Variants in SHROOM4 observed in about 807,000 individuals in gnomAD.
SHROOM4 encodes protein Shroom4.
Under a neutral mutation model 80.3 loss-of-function variants are expected in SHROOM4, and 17 were observed. That is an observed-to-expected ratio of 0.21 (90% CI 0.14 to 0.32). SHROOM4 has a LOEUF of 0.32. Ranked by LOEUF, SHROOM4 falls within the 10% of genes least tolerant of loss-of-function variation. SHROOM4 has a pLI of 1.00. For missense variants in SHROOM4, 993 were observed against 1,140.3 expected, an observed-to-expected ratio of 0.87 and a Z score of 1.86; for synonymous variants, 400 against 437.5, an observed-to-expected ratio of 0.91 and a Z score of 1.07.
intron 1 of SHROOM4, among the ~76,000 whole-genome samples, chrX:50,791,883 C>A (rs1226013124): frequency 1.1e-4 from 12 of 110,530 alleles, no homozygotes; most frequent in African/African-American, 3.9e-4. Context: ...GAAGAGACAG[C>A]CCCAAAATAA....
At chrX:50,578,623 A>G in the SHROOM4 span, among the ~76,000 whole-genome samples, 1 of 111,305 alleles carries the variant, frequency 9.0e-6, no homozygotes, top group Non-Finnish European at 1.9e-5. Flanking sequence ...TATTTTTAGT[A>G]GAGACAGGGT....
chrX:50,665,846 G>A (rs1435394047), intron 2 of SHROOM4, among the ~76,000 whole-genome samples: 1 of 111,640 alleles, frequency 9.0e-6, no homozygotes, highest in African/African-American at 3.3e-5. Context: ...AAATCTGAAA[G>A]TAATCATGGT....
intron 1 of SHROOM4, among the ~76,000 whole-genome samples, chrX:50,709,127 A>G (rs1356783219): frequency 9.0e-6 from 1 of 111,190 alleles, no homozygotes; most frequent in African/African-American, 3.3e-5. Context: ...TATTTGCAAC[A>G]TTCCGGGATC....
At chrX:50,628,566 C>T (rs1310995902) in intron 4 of SHROOM4, among the ~76,000 whole-genome samples, 1 of 111,817 alleles carries the variant, frequency 8.9e-6, no homozygotes, top group Non-Finnish European at 1.9e-5. Flanking sequence ...TTCTCCAATG[C>T]TACTACTATT....
chrX:50,797,410 A>G (rs1936038768), intron 1 of SHROOM4, among the ~76,000 whole-genome samples: 1 of 112,019 alleles, frequency 8.9e-6, no homozygotes, highest in African/African-American at 3.2e-5. Flanking sequence ...GCGAAGTGCA[A>G]AAGATTGTTT....
chrX:50,672,582 TA>T (rs1932809094), intron 2 of SHROOM4, among the ~76,000 whole-genome samples: 1 of 111,341 alleles, frequency 9.0e-6, no homozygotes, highest in African/African-American at 3.3e-5. Flanking sequence ...ACTGAAGTAC[TA>T]GAAGGAGAGA....
downstream of SHROOM4, among the ~76,000 whole-genome samples, chrX:50,585,865 T>TG (rs386416993): frequency 3.6e-5 from 4 of 110,583 alleles, no homozygotes; most frequent in Non-Finnish European, 7.6e-5. Flanking sequence ...TGGATTTTTT[T>TG]TTATAAAAGA....
intron 1 of SHROOM4, among the ~76,000 whole-genome samples, chrX:50,756,049 A>C (rs150720526): frequency 5.6e-4 from 63 of 111,759 alleles, no homozygotes; most frequent in African/African-American, 1.9e-3. Context: ...AAATATAATG[A>C]ATTTTAGCAT....
intron 2 of SHROOM4, among the ~76,000 whole-genome samples, chrX:50,680,126 T>C (rs1335437314): frequency 8.9e-6 from 1 of 112,017 alleles, no homozygotes; most frequent in Non-Finnish European, 1.9e-5. Context: ...ATTTGGTTTT[T>C]CTCCTACCTC....
chrX:50,799,664 G>T (rs1387406173), intron 1 of SHROOM4, among the ~76,000 whole-genome samples: 2 of 112,068 alleles, frequency 1.8e-5, no homozygotes, highest in Non-Finnish European at 3.8e-5. Flanking sequence ...ACATGTCAGA[G>T]CTTGCTTAAG....
chrX:50,621,866 T>G (rs1276518405), intron 5 of SHROOM4, among the ~76,000 whole-genome samples: 2 of 111,479 alleles, frequency 1.8e-5, no homozygotes, highest in Non-Finnish European at 3.8e-5. Context: ...ACTCTGCTCA[T>G]GATGTGGTGT....
At chrX:50,717,747 G>A (rs1229962541) in intron 1 of SHROOM4, among the ~76,000 whole-genome samples, 1 of 111,661 alleles carries the variant, frequency 9.0e-6, no homozygotes, top group African/African-American at 3.3e-5. Flanking sequence ...TCACATTAGG[G>A]CAGCAGTTTT....
intron 1 of SHROOM4, among the ~76,000 whole-genome samples, chrX:50,764,701 G>A (rs969977681): frequency 8.9e-6 from 1 of 111,875 alleles, no homozygotes; most frequent in Non-Finnish European, 1.9e-5. Flanking sequence ...CTTCAATGGG[G>A]AGAGAATATG....
At chrX:50,623,165 A>G (rs1930645322) in intron 5 of SHROOM4, among the ~76,000 whole-genome samples, 2 of 111,637 alleles carry the variant, frequency 1.8e-5, no homozygotes, top group African/African-American at 6.5e-5. Flanking sequence ...CTAATTTACT[A>G]TTTTTAAACA....
chrX:50,596,755 G>A lies in SHROOM4; in HGVS notation c.4422C>T (p.Leu1474=), dbSNP rs782507382. The A allele has an allele frequency of 6.6e-6, 8 of 1,210,439 alleles. No individual in the cohort carries two copies. Among genetic ancestry groups the A allele is most frequent in the African/African-American group, 3.5e-5 (2 of 57,320 alleles). ...TGAGACATTTGAGTTGCTCTTCCCC[G>A]AGCTTGATCTTCTCCTCCAGCTCTC... ...EQRELEEKIK[L]GEEQLKCLRE... is the part of the protein sequence containing the mutation. The change falls in exon 9 of 9, where the codon CTC becomes CTT. Residue 1474 remains leucine, a synonymous_variant. Coordinates refer to ENST00000376020, the MANE Select transcript of SHROOM4 (RefSeq NM_020717.5).
At position 50,627,596 on chromosome X, in the gene SHROOM4, C is replaced by G; in HGVS notation, c.2957+18G>C. The G allele has an allele frequency of 8.3e-7, 1 of 1,203,843 alleles. No homozygotes were observed. Among genetic ancestry groups the G allele is most frequent in the South Asian group, 1.8e-5 (1 of 56,744 alleles). On this transcript the variant is annotated intron_variant, in intron 5 of 8. Coordinates refer to ENST00000376020, the MANE Select transcript of SHROOM4 (RefSeq NM_020717.5). ...CCAGAGGCACCAACCCACCCCAACT[C>G]CCTGAGCGCTCACTTACCTCCCTGA...
intron 5 of SHROOM4, among the ~76,000 whole-genome samples, chrX:50,614,911 CATAGA>C (rs782586421): frequency 4.5e-4 from 51 of 112,121 alleles, no homozygotes; most frequent in Admixed American, 4.2e-3. Context: ...CTATGTGTAA[CATAGA>C]ATAATCACTA....
intron 1 of SHROOM4, among the ~76,000 whole-genome samples, chrX:50,788,223 A>T (rs1302950253): frequency 2.7e-5 from 3 of 111,855 alleles, no homozygotes; most frequent in Non-Finnish European, 5.6e-5. Context: ...TTTGTATGTG[A>T]TCGAAGTTAG....
At chrX:50,813,302 G>A (rs1304656276) in intron 1 of SHROOM4, among the ~76,000 whole-genome samples, 1 of 111,916 alleles carries the variant, frequency 8.9e-6, no homozygotes, top group Non-Finnish European at 1.9e-5. Flanking sequence ...ACTCTGGAGG[G>A]AGGGAGAGGC....
Sources: gnomAD v4.1 joint callset for allele counts (sites outside exome capture counted in the v4.1 genomes callset) on GRCh38, gnomAD v4.1.1 for gene constraint, MANE v1.5 for transcripts, NCBI Gene and HGNC (gene_info 2026-07-23, HGNC 2026-07-21) for gene names.